The following SHANK1 variants were observed in gnomAD, a reference collection of about 807,000 sequenced individuals.
SHANK1 encodes SH3 and multiple ankyrin repeat domains 1.
SHANK1 carries 35 observed loss-of-function variants against 165.6 expected under a neutral mutation model. That is an observed-to-expected ratio of 0.21 (90% confidence interval 0.16 to 0.28). SHANK1 has a LOEUF of 0.28. SHANK1 is among the 10% of genes least tolerant of loss of function. The probability of loss-of-function intolerance (pLI) is 1.00; values close to 1 mark genes in which losing one functional copy is unlikely to be tolerated. For missense variants in SHANK1, 2,681 were observed against 3,036.4 expected (o/e 0.88, Z 2.75); for synonymous variants, 1,428 against 1,384.8 (o/e 1.03, Z -0.69).
At position 50,659,939 on chromosome 19, in the gene SHANK1, T is replaced by C. The variant is rs1599832227; in HGVS notation, c.*2026A>G. ...GCCTCTGCCCCTCTCTCACCACCCC[T>C]CCCCCCTCCCACGACCCTCCCACGA... On this transcript the variant is annotated 3_prime_UTR_variant, in exon 24 of 24. Transcript: ENST00000293441. Among the ~76,000 whole-genome samples, 1 of 144,324 alleles carries C rather than the reference T, an allele frequency of 6.9e-6. No homozygotes were observed. The highest frequency in any genetic ancestry group is 2.6e-5 in the African/African-American group (1 of 38,544). 94.7% of individuals were successfully genotyped at this position (144,324 alleles called of 152,430 possible).
intron 21 of SHANK1, among the ~76,000 whole-genome samples, chr19:50,684,278 T>A (rs1196200402): frequency 6.6e-6 from 1 of 151,248 alleles, no homozygotes; most frequent in East Asian, 1.9e-4. Flanking sequence ...CAGGCTGGAG[T>A]GCAATGGTGC....
chr19:50,659,584 A>C lies in SHANK1; in HGVS notation c.*2381T>G, dbSNP rs1599831774. ...CCCTCCCACCCCCCCTTGGAAGACA[A>C]TTCTCGGGCTTTTATTTCAGGTTTT... is the stretch of plus-strand genomic sequence containing the variant. On this transcript the variant is annotated 3_prime_UTR_variant, in exon 24 of 24. Coordinates refer to ENST00000293441, the MANE Select transcript of SHANK1 (RefSeq NM_016148.5). 8.3e-6 allele frequency among the ~76,000 whole-genome samples: 1 copy of C among 119,888 alleles called. No individual in the cohort carries two copies. 78.7% of individuals were successfully genotyped at this position (119,888 alleles called of 152,430 possible).
At chr19:50,695,280 G>C (rs1345918682) in intron 15 of SHANK1, among the ~76,000 whole-genome samples, 1 of 146,698 alleles carries the variant, frequency 6.8e-6, no homozygotes, top group Non-Finnish European at 1.5e-5. Context: ...GCGCGGGGTC[G>C]GGCCGCGGCG....
rs1212802997 is a variant in SHANK1 at position 50,661,729 on chromosome 19, G to A, written c.*236C>T. 4 of 375,646 alleles carry A rather than the reference G, an allele frequency of 1.1e-5. No homozygotes were observed. Among genetic ancestry groups the A allele is most frequent in the South Asian group, 4.9e-5 (1 of 20,370 alleles). The allele number at this position is 375,646 out of a possible 1,614,324, so 23.3% of individuals were successfully genotyped here. On this transcript the variant is annotated 3_prime_UTR_variant, in exon 24 of 24. Transcript: ENST00000293441. ...CTGTAATTTCTCCTATCCCCCCTCC[G>A]CTCCCCGCTTCACACACACACACAC...
intron 19 of SHANK1, chr19:50,687,125 C>A (rs1986371696): frequency 1.1e-6 from 1 of 891,344 alleles, no homozygotes; most frequent in Middle Eastern, 2.7e-4. Flanking sequence ...AGCCCGCCTC[C>A]CTCGGGGCCC....
rs1422300995 is a variant in SHANK1 at position 50,686,900 on chromosome 19, G to A, written c.2390-88C>T. ...GCCTGTGGGCGTGGCCAGCAGGTGC[G>A]GGCCAGTGGGCGTGGCGGGCGCGAG... On this transcript the variant is annotated intron_variant, in intron 19 of 23. Coordinates refer to ENST00000293441, the MANE Select transcript of SHANK1 (RefSeq NM_016148.5). The surrounding 1 kb of genome is among the most constrained non-coding windows in gnomAD (Gnocchi z 5.7). 11 of 1,489,294 alleles carry A rather than the reference G, an allele frequency of 7.4e-6. No homozygotes were observed. Among genetic ancestry groups the A allele is most frequent in the Middle Eastern group, 3.6e-4 (2 of 5,542 alleles). The allele number at this position is 1,489,294 out of a possible 1,614,324, so 92.3% of individuals were successfully genotyped here. A position where few individuals can be genotyped will look rare whatever the true frequency, so the allele number is the denominator to read the frequency against.
chr19:50,685,078 C>A (rs1041138802), intron 21 of SHANK1, among the ~76,000 whole-genome samples: 6 of 152,116 alleles, frequency 3.9e-5, no homozygotes, highest in Non-Finnish European at 1.5e-5. Context: ...GTGGTGGATG[C>A]GGCCAGAGGA....
Position 50,667,215 on chromosome 19 carries a change from G to A in SHANK1, c.4745C>T (p.Ser1582Leu). The change falls in exon 23 of 24, where the codon TCG becomes TTG. Residue 1582 changes from serine to leucine, a missense_variant. Ser to Leu is a moderately radical substitution (Grantham distance 145, BLOSUM62 -2). This residue lies in a region of SHANK1 where 1,713 missense variants were observed against 1,630.2 expected (regional missense o/e 1.05). Coordinates refer to ENST00000293441, the MANE Select transcript of SHANK1 (RefSeq NM_016148.5). The surrounding 1 kb of genome is among the most constrained non-coding windows in gnomAD (Gnocchi z 5.7). The part of the protein sequence containing the change: ...EFSNSFEKPE[S>L]PLTPGPPHPL... ...GTGGGGAGGCCCAGGCGTGAGGGGC[G>A]ACTCTGGCTTTTCGAAGCTGTTGGA... The A allele has an allele frequency of 6.3e-7, 1 of 1,581,802 alleles. No homozygotes were observed. The highest frequency in any genetic ancestry group is 1.1e-5 in the South Asian group (1 of 87,730).
In SHANK1 at chr19:50,671,914, G is replaced by A. The variant is rs977910830; in HGVS notation, c.2674+104C>T. On this transcript the variant is annotated intron_variant, in intron 22 of 23. Coordinates refer to ENST00000293441, the MANE Select transcript of SHANK1 (RefSeq NM_016148.5). Reference sequence around the variant, plus strand: ...CTTAACCCAATTTGATGAAACTATGGTCTCTCTGGGAGCACAGAACATTTC... The same window carrying A: ...CTTAACCCAATTTGATGAAACTATGATCTCTCTGGGAGCACAGAACATTTC... 15 of 839,806 alleles carry A rather than the reference G, an allele frequency of 1.8e-5. No individual in the cohort carries two copies. The African/African-American group carries it at 2.4e-4, about 13-fold the overall frequency. 52.0% of individuals were successfully genotyped at this position (839,806 alleles called of 1,614,324 possible). A position where few individuals can be genotyped will look rare whatever the true frequency, so the allele number is the denominator to read the frequency against.
At chr19:50,693,448 A>C (rs1007891155) in intron 15 of SHANK1, among the ~76,000 whole-genome samples, 2 of 142,334 alleles carry the variant, frequency 1.4e-5, no homozygotes, top group Admixed American at 1.5e-4. Context: ...CCTGCCCTGC[A>C]GGAGCCCACA....
rs1395020752 is a variant in SHANK1 at position 50,662,387 on chromosome 19, T to G, written c.6064A>C (p.Ile2022Leu). The G allele has an allele frequency of 1.3e-6, 2 of 1,574,454 alleles. No individual in the cohort carries two copies. Among genetic ancestry groups the G allele is most frequent in the Admixed American group, 1.8e-5 (1 of 55,172 alleles). The part of the protein sequence containing the change: ...SPAPRPSSLP[I>L]LPSGPLYPGL... ...GGGTAGAGGGGTCCGGAAGGCAGGATGGGCAGGGACGAGGGCCTGGGCGCA... is the reference window on the plus strand; with the variant it reads ...GGGTAGAGGGGTCCGGAAGGCAGGAGGGGCAGGGACGAGGGCCTGGGCGCA... The change falls in exon 24 of 24, where the codon ATC becomes CTC. Residue 2022 changes from isoleucine (I) to leucine (L), a missense_variant. Transcript: ENST00000293441. The surrounding 1 kb of genome is among the most constrained non-coding windows in gnomAD (Gnocchi z 7.7).
intron 8 of SHANK1, among the ~76,000 whole-genome samples, chr19:50,708,005 T>C (rs898462846): frequency 2.6e-5 from 4 of 151,604 alleles, no homozygotes; most frequent in South Asian, 2.1e-4. Flanking sequence ...TGGAGTGCAA[T>C]GGCGCGATCT....
chr19:50,694,889 G>A (rs1986680574), intron 15 of SHANK1, among the ~76,000 whole-genome samples: 1 of 150,766 alleles, frequency 6.6e-6, no homozygotes. Context: ...GCAGGAGGCG[G>A]CGCGCTCCGT....
rs1053474197 is a variant in SHANK1 at position 50,716,540 on chromosome 19, T to C, written c.256-62A>G. 1.3e-6 allele frequency: 2 copies of C among 1,591,562 alleles called. No homozygotes were observed. The highest frequency in any genetic ancestry group is 1.7e-6 in the Non-Finnish European group (2 of 1,165,222). On this transcript the variant is annotated intron_variant, in intron 2 of 23. Transcript: ENST00000293441. This position sits in a 1 kb window ranked among gnomAD's most constrained non-coding sequence, Gnocchi z 8.4. ...GGGCCAGAGGAGAGCCTGAGGTGGG[T>C]TGGGAAGTGAGCCAGGAGCTGAGTG...
intron 23 of SHANK1, among the ~76,000 whole-genome samples, 172 bp downstream of exon 23, chr19:50,666,020 A>G (rs1175373134): frequency 6.8e-6 from 1 of 146,412 alleles, no homozygotes; most frequent in African/African-American, 2.6e-5. Context: ...TCAAGAAAAG[A>G]AAAGAAAAAA....
chr19:50,678,377 G>C (rs1986047623), intron 21 of SHANK1, among the ~76,000 whole-genome samples: 1 of 152,022 alleles, frequency 6.6e-6, no homozygotes, highest in Admixed American at 6.6e-5. Context: ...GCTGGGAGGA[G>C]GGGAGGAAGG....
chr19:50,709,353 G>A (rs1599871048), intron 8 of SHANK1, among the ~76,000 whole-genome samples: 1 of 152,256 alleles, frequency 6.6e-6, no homozygotes, highest in South Asian at 2.1e-4. Flanking sequence ...GTGTTAGCCA[G>A]GATGGTCTCA....
intron 15 of SHANK1, among the ~76,000 whole-genome samples, chr19:50,689,728 C>T (rs1438239821): frequency 6.6e-6 from 1 of 152,138 alleles, no homozygotes; most frequent in Non-Finnish European, 1.5e-5. Context: ...AGTGGGAATC[C>T]AGTGGGGGTA....
chr19:50,682,056 C>T (rs183182303), intron 21 of SHANK1, among the ~76,000 whole-genome samples: 7 of 137,204 alleles, frequency 5.1e-5, no homozygotes, highest in African/African-American at 1.9e-4. Flanking sequence ...TTTTCTTTTC[C>T]TTTTTTCTAT....
Sources: allele counts gnomAD v4.1 joint callset (sites outside exome capture counted in the v4.1 genomes callset), GRCh38; gene constraint gnomAD v4.1.1; regional missense constraint gnomAD v4.1.1; non-coding constraint Gnocchi (gnomAD v3.1); transcripts MANE v1.5; gene names NCBI Gene and HGNC (gene_info 2026-07-23, HGNC 2026-07-21).